UBE2W: variants seen among roughly 807,000 people sequenced by gnomAD.
UBE2W encodes ubiquitin-conjugating enzyme E2 W.
Under a neutral mutation model 27.2 loss-of-function variants are expected in UBE2W, and 18 were observed. The observed-to-expected ratio is 0.66, with a 90% CI of 0.46 to 0.98. The LOEUF (loss-of-function observed/expected upper bound fraction) is 0.98, where lower values mean the gene tolerates loss of function less well. Among genes scored for constraint, UBE2W ranks in the 50% least tolerant of loss-of-function variants. The pLI is 0.00. For synonymous variants in UBE2W, 53 were observed against 57.2 expected, an observed-to-expected ratio of 0.93 and a Z score of 0.33; for missense variants, 90 against 180.2, an observed-to-expected ratio of 0.50 and a Z score of 2.87.
chr8:73,822,288 G>C (rs527542853), intron 3 of UBE2W, among the ~76,000 whole-genome samples: 2 of 152,210 alleles, frequency 1.3e-5, no homozygotes, highest in African/African-American at 4.8e-5. Context: ...TGAGAGACAG[G>C]ACTAGCTGGA....
downstream of UBE2W, among the ~76,000 whole-genome samples, chr8:73,781,446 C>T (rs77488476): frequency 0.053 from 8,037 of 151,960 alleles, 686 homozygotes; most frequent in African/African-American, 0.18. Flanking sequence ...CTCGGTGCAA[C>T]GGGGGAATGC....
intron 1 of UBE2W, among the ~76,000 whole-genome samples, chr8:73,838,943 A>G (rs931595116): frequency 2.6e-5 from 4 of 152,186 alleles, no homozygotes; most frequent in African/African-American, 4.8e-5. Flanking sequence ...CAAGTGGCCA[A>G]TGGGAAACCT....
At chr8:73,797,172 T>C (rs1808455779) in intron 5 of UBE2W, among the ~76,000 whole-genome samples, 4 of 152,104 alleles carry the variant, frequency 2.6e-5, no homozygotes, top group Admixed American at 2.0e-4. Context: ...GAAATGTAAA[T>C]GAGAAAGAAC....
chr8:73,838,625 C>T (rs1226425851), intron 1 of UBE2W, among the ~76,000 whole-genome samples: 2 of 152,104 alleles, frequency 1.3e-5, no homozygotes, highest in Non-Finnish European at 2.9e-5. Context: ...CTTTTTTCTG[C>T]TTGAATGCAT....
At chr8:73,812,183 T>TC (rs1809177560) in intron 3 of UBE2W, among the ~76,000 whole-genome samples, 1 of 151,266 alleles carries the variant, frequency 6.6e-6, no homozygotes, top group African/African-American at 2.4e-5. Context: ...TTCTTTTTTT[T>TC]CTTTAAATTC....
In UBE2W at chr8:73,790,170, A is replaced by C. The variant is rs16938728; in HGVS notation, c.*3932T>G. 1 of 984,898 alleles carries C rather than the reference A, an allele frequency of 1.0e-6. No individual in the cohort carries two copies. Among genetic ancestry groups the C allele is most frequent in the African/African-American group, 1.8e-5 (1 of 57,098 alleles). The allele number at this position is 984,898 out of a possible 1,614,324, so 61.0% of individuals were successfully genotyped here. ...ATTTTAATAATCGTCCTTCTGTAGA[A>C]TCCCTAACCTCAGAAAAAAAAAAGA... On this transcript the variant is annotated 3_prime_UTR_variant, in exon 6 of 6. Coordinates refer to ENST00000602593, the MANE Select transcript of UBE2W (RefSeq NM_018299.6).
intron 1 of UBE2W, chr8:73,870,265 T>A (rs1175206871): frequency 6.3e-7 from 1 of 1,586,634 alleles, no homozygotes; most frequent in Non-Finnish European, 8.6e-7. Context: ...AAACACACAC[T>A]TACTGGAAAC....
intron 5 of UBE2W, among the ~76,000 whole-genome samples, 188 bp downstream of exon 5, chr8:73,805,463 A>AACAAAAAC (rs1808845222): frequency 7.7e-6 from 1 of 129,396 alleles, no homozygotes; most frequent in East Asian, 2.1e-4. Flanking sequence ...TCAAAAAAAA[A>AACAAAAAC]AAAAAAAACA....
At chr8:73,808,373 T>C (rs1033184480) in intron 4 of UBE2W, among the ~76,000 whole-genome samples, 3 of 152,216 alleles carry the variant, frequency 2.0e-5, no homozygotes, top group African/African-American at 7.2e-5. Flanking sequence ...TAGCTGGGAC[T>C]ACAGGCATGC....
At chr8:73,794,252 T>C in intron 5 of UBE2W, 137 bp from the exon 6 acceptor site, 1 of 1,042,484 alleles carries the variant, frequency 9.6e-7, no homozygotes, top group Non-Finnish European at 1.4e-6. Flanking sequence ...CCCCCAAACC[T>C]GTGAATACAA....
Position 73,851,005 on chromosome 8 carries a change from A to C in UBE2W, c.16-20533T>G, listed in dbSNP as rs181131752. ...CTCCCAAGTAGCTGGAAACACAGGC[A>C]TGCACCACCACACCCTGCTAATTTT... On this transcript the variant is annotated intron_variant, in intron 1 of 5. Transcript: ENST00000602593. 1.3e-3 allele frequency among the ~76,000 whole-genome samples: 201 copies of C among 151,860 alleles called. 1 individual carries two copies. The highest frequency in any genetic ancestry group is 4.6e-3 in the African/African-American group (190 of 41,422).
intron 1 of UBE2W, among the ~76,000 whole-genome samples, chr8:73,832,135 A>AT (rs201208655): frequency 0.014 from 1,978 of 142,522 alleles, 53 homozygotes; most frequent in African/African-American, 0.052. Flanking sequence ...AAAAATAAAT[A>AT]AATATATATA....
chr8:73,803,769 CTTTTT>C (rs534146460), intron 5 of UBE2W, among the ~76,000 whole-genome samples: 1 of 128,400 alleles, frequency 7.8e-6, no homozygotes, highest in Non-Finnish European at 1.6e-5. Context: ...TTTTTCTTTT[CTTTTT>C]TTTTTTTTTT....
chr8:73,783,541 AT>A (rs1807880381), downstream of UBE2W, among the ~76,000 whole-genome samples: 1 of 152,082 alleles, frequency 6.6e-6, no homozygotes, highest in Admixed American at 6.5e-5. Flanking sequence ...CACTATGTCT[AT>A]CTTTATTCCA....
rs941080508 is a variant in UBE2W, at chr8:73,793,679, G to A, written c.*423C>T. 7.1e-6 allele frequency: 7 copies of A among 989,530 alleles called. No individual in the cohort carries two copies. In the African/African-American group the frequency reaches 1.0e-4, roughly 15 times the overall value. 61.3% of individuals were successfully genotyped at this position (989,530 alleles called of 1,614,324 possible). On this transcript the variant is annotated 3_prime_UTR_variant, in exon 6 of 6. Coordinates refer to ENST00000602593, the MANE Select transcript of UBE2W (RefSeq NM_018299.6). ...CTATAACCAGTAAGTTCATTTCATA[G>A]GCCCTATCATGCATTAATCATTGAA...
At position 73,786,734 on chromosome 8, in the gene UBE2W, TA is replaced by T. The variant is rs1295401300; in HGVS notation, c.*7367del. 1 of 985,284 alleles carries T rather than the reference TA, an allele frequency of 1.0e-6. No homozygotes were observed. The highest frequency in any genetic ancestry group is 1.2e-6 in the Non-Finnish European group (1 of 829,938). The allele number at this position is 985,284 out of a possible 1,614,324, so 61.0% of individuals were successfully genotyped here. A position where few individuals can be genotyped will look rare whatever the true frequency, so the allele number is the denominator to read the frequency against. On this transcript the variant is annotated 3_prime_UTR_variant, in exon 6 of 6. Coordinates refer to ENST00000602593, the MANE Select transcript of UBE2W (RefSeq NM_018299.6). Reference sequence around the variant, plus strand: ...ACCAAGGCCAGGTAGTGAAAGGCCCTAATGGTAAGGAGACTGGAGAGAAGGT... The same window carrying T: ...ACCAAGGCCAGGTAGTGAAAGGCCCTATGGTAAGGAGACTGGAGAGAAGGT...
chr8:73,844,302 C>A (rs1350567784), intron 1 of UBE2W, among the ~76,000 whole-genome samples: 2 of 152,162 alleles, frequency 1.3e-5, no homozygotes, highest in Non-Finnish European at 2.9e-5. Flanking sequence ...CGCGCGCCGC[C>A]ACACCTGACT....
At chr8:73,870,251 A>C in intron 1 of UBE2W, 1 of 1,582,604 alleles carries the variant, frequency 6.3e-7, no homozygotes, top group Non-Finnish European at 8.6e-7. Context: ...GAGGATTGGC[A>C]AAAAAACACA....
At chr8:73,855,739 A>C (rs1256313095) in intron 1 of UBE2W, among the ~76,000 whole-genome samples, 1 of 152,116 alleles carries the variant, frequency 6.6e-6, no homozygotes, top group Non-Finnish European at 1.5e-5. Context: ...ACAGTGCTGT[A>C]TATGGTCTGT....
Sources: allele counts gnomAD v4.1 joint callset (sites outside exome capture counted in the v4.1 genomes callset), GRCh38; gene constraint gnomAD v4.1.1; transcripts MANE v1.5; gene names NCBI Gene and HGNC (gene_info 2026-07-23, HGNC 2026-07-21).